FBXL14: variants seen among roughly 807,000 people sequenced by gnomAD.
FBXL14 encodes F-box/LRR-repeat protein 14.
Under a neutral mutation model 24.5 loss-of-function variants are expected in FBXL14, and 11 were observed. The ratio of observed to expected loss-of-function variants is 0.45; its 90% CI spans 0.28 to 0.74. The LOEUF (loss-of-function observed/expected upper bound fraction) is 0.74, where lower values mean the gene tolerates loss of function less well. Ranked by LOEUF, FBXL14 falls within the 30% of genes least tolerant of loss-of-function variation. FBXL14 has a pLI of 0.12. For missense variants in FBXL14, 384 were observed against 545.6 expected, an observed-to-expected ratio of 0.70 and a Z score of 2.95; for synonymous variants, 294 against 240.4, an observed-to-expected ratio of 1.22 and a Z score of -2.06.
chr12:1,572,874 T>C (rs998351652), intron 1 of FBXL14, among the ~76,000 whole-genome samples: 2 of 151,954 alleles, frequency 1.3e-5, no homozygotes, highest in African/African-American at 2.4e-5. Flanking sequence ...GAGGAAATAA[T>C]GCGGTCAGAA....
In FBXL14 at chr12:1,593,569, C is replaced by A; in HGVS notation, c.498G>T (p.Trp166Cys). The A allele has an allele frequency of 6.2e-7, 1 of 1,614,152 alleles. No homozygotes were observed. The highest frequency in any genetic ancestry group is 8.5e-7 in the Non-Finnish European group (1 of 1,180,032). ...TAAGGCTCTTGAGGCGCTGCAGACCCCAGGCGATGAGCAGAAGGCCAGTGT... is the reference window on the plus strand; with the variant it reads ...TAAGGCTCTTGAGGCGCTGCAGACCACAGGCGATGAGCAGAAGGCCAGTGT... ...ITNTGLLLIA[W>C]GLQRLKSLNL... The change falls in exon 1 of 2, where the codon TGG becomes TGT. Residue 166 changes from tryptophan to cysteine, a missense_variant. By Grantham distance (215) the Trp-to-Cys change is radical. Transcript: ENST00000339235. This position sits in a 1 kb window ranked among gnomAD's most constrained non-coding sequence, Gnocchi z 7.4.
Position 1,577,833 on chromosome 12 carries a change from A to G in FBXL14, c.1195-11023T>C, listed in dbSNP as rs187298484. Among the ~76,000 whole-genome samples, 797 of 152,280 alleles carry G rather than the reference A, an allele frequency of 5.2e-3. 5 individuals carry two copies. The highest frequency in any genetic ancestry group is 8.2e-3 in the Non-Finnish European group (556 of 68,022). The stretch of plus-strand genomic sequence containing the variant: ...TGGGATCACTTAGAAATCGGAAGCA[A>G]TACAACAAAGGCTAAACATATTTGA... On this transcript the variant is annotated intron_variant, in intron 1 of 1. Transcript: ENST00000339235.
chr12:1,580,228 C>G (rs1036672072), intron 1 of FBXL14, among the ~76,000 whole-genome samples: 2 of 152,162 alleles, frequency 1.3e-5, no homozygotes, highest in East Asian at 3.8e-4. Context: ...TCCAATCTTG[C>G]GGTGTATGGA....
chr12:1,591,347 G>GTTT lies in FBXL14; in HGVS notation c.1194+1523_1194+1525dup, dbSNP rs34841563. ...AATAATTCGCAGATACAAGGCTGTT[G>GTTT]TTTTTTTTTTTTTTTTCAAAAACAT... On this transcript the variant is annotated intron_variant, in intron 1 of 1. Transcript: ENST00000339235. 1.0e-3 allele frequency among the ~76,000 whole-genome samples: 143 copies of GTTT among 138,342 alleles called. 1 individual carries two copies. The highest frequency in any genetic ancestry group is 1.9e-3 in the African/African-American group (72 of 37,276). 90.8% of individuals were successfully genotyped at this position (138,342 alleles called of 152,430 possible).
At chr12:1,568,254 G>C (rs1408625509) in intron 1 of FBXL14, among the ~76,000 whole-genome samples, 1 of 152,198 alleles carries the variant, frequency 6.6e-6, no homozygotes, top group Non-Finnish European at 1.5e-5. Flanking sequence ...AGAGAGTGGA[G>C]TGAGATGTGA....
intron 1 of FBXL14, among the ~76,000 whole-genome samples, chr12:1,586,363 A>T (rs898701333): frequency 1.3e-5 from 2 of 152,112 alleles, no homozygotes; most frequent in African/African-American, 2.4e-5. Context: ...TGTCTCAAAA[A>T]AAAGACAAAA....
intron 1 of FBXL14, among the ~76,000 whole-genome samples, chr12:1,570,062 C>T (rs907991544): frequency 3.3e-5 from 5 of 152,212 alleles, no homozygotes; most frequent in Admixed American, 6.5e-5. Context: ...GGGTTTTTCC[C>T]CTCTGGTCGA....
At chr12:1,583,612 A>T (rs182815692) in intron 1 of FBXL14, among the ~76,000 whole-genome samples, 3 of 152,260 alleles carry the variant, frequency 2.0e-5, no homozygotes, top group Admixed American at 2.0e-4. Context: ...AGATGGGAGG[A>T]GGTTGTGGTT....
intron 1 of FBXL14, among the ~76,000 whole-genome samples, chr12:1,577,197 G>T (rs897798255): frequency 6.6e-5 from 10 of 152,230 alleles, no homozygotes; most frequent in South Asian, 2.1e-4. Flanking sequence ...GGCCTGCCCT[G>T]TGTGGACAGA....
At chr12:1,584,601 C>A (rs978869909) in intron 1 of FBXL14, among the ~76,000 whole-genome samples, 3 of 152,230 alleles carry the variant, frequency 2.0e-5, no homozygotes, top group Non-Finnish European at 4.4e-5. Context: ...CCTCCATCTA[C>A]TCCAGGCTCT....
chr12:1,567,998 T>G lies in FBXL14; in HGVS notation c.1195-1188A>C, dbSNP rs896032334. On this transcript the variant is annotated intron_variant, in intron 1 of 1. Coordinates refer to ENST00000339235, the MANE Select transcript of FBXL14 (RefSeq NM_152441.3). The surrounding 1 kb of genome is among the most constrained non-coding windows in gnomAD (Gnocchi z 4.8). ...TACCAGGAGGAGGAGAAAGAAGAAA[T>G]ACTTGAAATGGTAATGACAGATTTC... is the stretch of plus-strand genomic sequence containing the variant. Among the ~76,000 whole-genome samples, 2 of 152,084 alleles carry G rather than the reference T, an allele frequency of 1.3e-5. No individual in the cohort carries two copies. The highest frequency in any genetic ancestry group is 1.3e-4 in the Admixed American group (2 of 15,270).
At chr12:1,590,794 C>T (rs1414807076) in intron 1 of FBXL14, among the ~76,000 whole-genome samples, 2 of 152,200 alleles carry the variant, frequency 1.3e-5, no homozygotes, top group East Asian at 1.9e-4. Context: ...CCCTCCTCCT[C>T]TCCACCCGGA....
chr12:1,587,888 CCT>C (rs1456954985), intron 1 of FBXL14, among the ~76,000 whole-genome samples: 1 of 152,192 alleles, frequency 6.6e-6, no homozygotes, highest in Non-Finnish European at 1.5e-5. Context: ...AAGCCTCACC[CCT>C]CTGACTCCTC....
At chr12:1,594,670 C>T (rs1256705293), upstream of FBXL14, among the ~76,000 whole-genome samples, 1 of 149,232 alleles carries the variant, frequency 6.7e-6, no homozygotes, top group African/African-American at 2.4e-5. Flanking sequence ...CGTTCCTTCT[C>T]CCCCGCCGTC....
chr12:1,584,171 C>G (rs2094472098), intron 1 of FBXL14, among the ~76,000 whole-genome samples: 1 of 151,970 alleles, frequency 6.6e-6, no homozygotes. Flanking sequence ...ATAGCGAGAC[C>G]CTGTCTCTAC....
rs1192055597 is a variant in FBXL14 at position 1,593,881 on chromosome 12, G to A, written c.186C>T (p.Phe62=). 2 of 1,609,940 alleles carry A rather than the reference G, an allele frequency of 1.2e-6. No individual in the cohort carries two copies. Among genetic ancestry groups the A allele is most frequent in the Non-Finnish European group, 1.7e-6 (2 of 1,179,612 alleles). The change falls in exon 1 of 2, where the codon TTC becomes TTT. Residue 62 remains phenylalanine (F), a synonymous_variant. Coordinates refer to ENST00000339235, the MANE Select transcript of FBXL14 (RefSeq NM_152441.3). The surrounding 1 kb of genome is among the most constrained non-coding windows in gnomAD (Gnocchi z 7.4). ...GGATGCCCCGGGCCTGCAGGCTGGG[G>A]AACAGCGACGGGTTGGCCCGGCGCA... The part of the protein sequence containing the change: ...LHLRRANPSL[F]PSLQARGIRR...
At position 1,567,820 on chromosome 12, in the gene FBXL14, C is replaced by T. The variant is rs1183375988; in HGVS notation, c.1195-1010G>A. 6.6e-6 allele frequency among the ~76,000 whole-genome samples: 1 copy of T among 152,212 alleles called. No individual in the cohort carries two copies. Among genetic ancestry groups the T allele is most frequent in the Admixed American group, 6.5e-5 (1 of 15,284 alleles). On this transcript the variant is annotated intron_variant, in intron 1 of 1. Transcript: ENST00000339235. The surrounding 1 kb of genome is among the most constrained non-coding windows in gnomAD (Gnocchi z 4.8). Reference sequence around the variant, plus strand: ...CACAGCTGAGGAGAGGATCTCTGAGCATAAGGTTATCTCAATAGAAACCTC... The same window carrying T: ...CACAGCTGAGGAGAGGATCTCTGAGTATAAGGTTATCTCAATAGAAACCTC...
At chr12:1,578,325 A>G (rs980061299) in intron 1 of FBXL14, among the ~76,000 whole-genome samples, 6 of 152,194 alleles carry the variant, frequency 3.9e-5, no homozygotes, top group African/African-American at 1.4e-4. Flanking sequence ...TTACTCTTCT[A>G]GTAGGAAGAG....
rs571687044 is a variant in FBXL14 at position 1,592,253 on chromosome 12, G to A, written c.1194+620C>T. 1.4e-4 allele frequency among the ~76,000 whole-genome samples: 20 copies of A among 147,748 alleles called. No homozygotes were observed. The South Asian group carries it at 4.0e-3, about 30-fold the overall frequency. ...ATAGAATATATTCAGCAGAAAAAAG[G>A]ACCATGATTTCAAATTTTTTCCAAA... On this transcript the variant is annotated intron_variant, in intron 1 of 1. Coordinates refer to ENST00000339235, the MANE Select transcript of FBXL14 (RefSeq NM_152441.3).
Sources: allele counts gnomAD v4.1 joint callset (sites outside exome capture counted in the v4.1 genomes callset), GRCh38; gene constraint gnomAD v4.1.1; non-coding constraint Gnocchi (gnomAD v3.1); transcripts MANE v1.5; gene names NCBI Gene and HGNC (gene_info 2026-07-23, HGNC 2026-07-21).